HMCN1: variants seen among roughly 807,000 people sequenced by gnomAD.
HMCN1 encodes hemicentin-1.
A neutral mutation model predicts 625.9 loss-of-function variants in HMCN1; 321 were observed. That is an observed-to-expected ratio of 0.51 (90% CI 0.47 to 0.56). HMCN1 has a LOEUF of 0.56. Ranked by LOEUF, HMCN1 falls within the 20% of genes least tolerant of loss-of-function variation. The probability of loss-of-function intolerance (pLI) is 0.00; values close to 1 mark genes in which losing one functional copy is unlikely to be tolerated. For missense variants in HMCN1, 6,588 were observed against 6,887.3 expected, an observed-to-expected ratio of 0.96 and a Z score of 1.54; for synonymous variants, 2,425 against 2,417.6, an observed-to-expected ratio of 1.00 and a Z score of -0.09.
intron 1 of HMCN1, among the ~76,000 whole-genome samples, chr1:185,768,684 G>A (rs958588127): frequency 3.3e-5 from 5 of 152,166 alleles, no homozygotes; most frequent in Non-Finnish European, 5.9e-5. Flanking sequence ...GGCGGCTCAC[G>A]CCTGTGATCC....
At chr1:186,057,621 T>A (rs1025367239) in intron 46 of HMCN1, among the ~76,000 whole-genome samples, 15 of 151,960 alleles carry the variant, frequency 9.9e-5, no homozygotes, top group African/African-American at 3.4e-4. Context: ...AAAAAACAAA[T>A]CTTGGCACTC....
chr1:185,900,426 G>A (rs1201990043), intron 4 of HMCN1, among the ~76,000 whole-genome samples: 2 of 151,798 alleles, frequency 1.3e-5, no homozygotes, highest in African/African-American at 4.8e-5. Flanking sequence ...GAGGGGATCT[G>A]GAAAGAGTTA....
chr1:186,010,747 A>T (rs963118715), intron 30 of HMCN1, among the ~76,000 whole-genome samples: 2 of 152,224 alleles, frequency 1.3e-5, no homozygotes. Flanking sequence ...AATTACCGAT[A>T]GCAGGACTTG....
At position 185,763,177 on chromosome 1, in the gene HMCN1, C is replaced by G. The variant is rs565421655; in HGVS notation, c.268+28130C>G. 6.6e-5 allele frequency among the ~76,000 whole-genome samples: 10 copies of G among 152,054 alleles called. No individual in the cohort carries two copies. In the South Asian group the frequency reaches 1.9e-3, roughly 29 times the overall value. The stretch of plus-strand genomic sequence containing the variant: ...GCAAAATGTGAGGGAGAGCTGATAC[C>G]AGATCTGGGTGCAAATGCACAAAGG... On this transcript the variant is annotated intron_variant, in intron 1 of 106. Transcript: ENST00000271588.
intron 6 of HMCN1, 108 bp downstream of exon 6, chr1:185,911,888 G>C: frequency 1.2e-6 from 1 of 856,236 alleles, no homozygotes; most frequent in East Asian, 2.5e-5. Flanking sequence ...ATCATGGAGA[G>C]TGCTTGTAAT....
intron 72 of HMCN1, 59 bp downstream of exon 72, chr1:186,113,012 G>T: frequency 6.3e-7 from 1 of 1,591,296 alleles, no homozygotes; most frequent in East Asian, 2.2e-5. Context: ...CATTCAAAGA[G>T]ATGATAGCTT....
At chr1:186,041,951 T>C (rs1656237869) in intron 40 of HMCN1, among the ~76,000 whole-genome samples, 1 of 152,192 alleles carries the variant, frequency 6.6e-6, no homozygotes, top group Non-Finnish European at 1.5e-5. Flanking sequence ...TTAAAAATTT[T>C]TACCTCCAGA....
chr1:186,055,293 A>T, intron 44 of HMCN1, 100 bp from the exon 45 acceptor site: 1 of 1,063,516 alleles, frequency 9.4e-7, no homozygotes, highest in Non-Finnish European at 1.4e-6. Context: ...TTATATTTTA[A>T]CATAAAAATA....
chr1:186,126,969 T>C (rs1459386846), intron 82 of HMCN1, among the ~76,000 whole-genome samples: 2 of 152,000 alleles, frequency 1.3e-5, no homozygotes, highest in South Asian at 2.1e-4. Context: ...TGAGAAATGA[T>C]AGAACTCAAA....
intron 1 of HMCN1, among the ~76,000 whole-genome samples, chr1:185,819,680 A>G (rs1351675592): frequency 6.6e-6 from 1 of 152,188 alleles, no homozygotes; most frequent in Non-Finnish European, 1.5e-5. Context: ...TTTTACTTAA[A>G]AAAGTCATCA....
chr1:186,045,103 A>T (rs1656477077), intron 40 of HMCN1, among the ~76,000 whole-genome samples: 1 of 152,182 alleles, frequency 6.6e-6, no homozygotes, highest in African/African-American at 2.4e-5. Context: ...ACAAAGCATC[A>T]TGGAAAACCA....
At chr1:186,117,382 G>A in intron 76 of HMCN1, 77 bp from the exon 77 acceptor site, 2 of 1,502,376 alleles carry the variant, frequency 1.3e-6, no homozygotes, top group East Asian at 4.5e-5. Flanking sequence ...AAAAGAGGAT[G>A]TATGATAAGT....
chr1:185,880,589 T>A (rs1348207247), intron 4 of HMCN1, among the ~76,000 whole-genome samples: 1 of 152,194 alleles, frequency 6.6e-6, no homozygotes. Flanking sequence ...TGTATAATAA[T>A]AACAATGCAT....
intron 11 of HMCN1, among the ~76,000 whole-genome samples, chr1:185,946,388 A>T (rs999252528): frequency 6.6e-6 from 1 of 152,154 alleles, no homozygotes; most frequent in South Asian, 2.1e-4. Flanking sequence ...TTCAGTCTGT[A>T]TTAGGAGACA....
intron 5 of HMCN1, among the ~76,000 whole-genome samples, chr1:185,909,983 C>A (rs889268344): frequency 6.6e-6 from 1 of 151,960 alleles, no homozygotes; most frequent in African/African-American, 2.4e-5. Flanking sequence ...GTAAAGGGAA[C>A]TTTTAATAAT....
chr1:185,872,122 G>A (rs1663656284), intron 4 of HMCN1, among the ~76,000 whole-genome samples: 1 of 152,124 alleles, frequency 6.6e-6, no homozygotes, highest in African/African-American at 2.4e-5. Context: ...TCCCTTCTTT[G>A]AATTCACCTG....
At chr1:186,010,177 CTGTG>C (rs1385799632) in intron 30 of HMCN1, among the ~76,000 whole-genome samples, 1 of 151,496 alleles carries the variant, frequency 6.6e-6, no homozygotes, top group Non-Finnish European at 1.5e-5. Context: ...GTGTGCGTGT[CTGTG>C]TGTGTGTCTG....
chr1:186,006,990 A>G, intron 29 of HMCN1, 138 bp from the exon 30 acceptor site: 1 of 656,738 alleles, frequency 1.5e-6, no homozygotes. Flanking sequence ...TTATTCTTGG[A>G]GTGCTAATCA....
chr1:186,188,739 G>T (rs1251201634), intron 106 of HMCN1, among the ~76,000 whole-genome samples: 1 of 152,172 alleles, frequency 6.6e-6, no homozygotes, highest in African/African-American at 2.4e-5. Context: ...GCATAGTCAA[G>T]TGTGGACTGC....
Sources: allele counts gnomAD v4.1 joint callset (sites outside exome capture counted in the v4.1 genomes callset), GRCh38; gene constraint gnomAD v4.1.1; transcripts MANE v1.5; gene names NCBI Gene and HGNC (gene_info 2026-07-23, HGNC 2026-07-21).